Variants in MGAT4C observed in about 807,000 individuals in gnomAD.
The protein encoded by MGAT4C is alpha-1,3-mannosyl-glycoprotein 4-beta-N-acetylglucosaminyltransferase C.
A neutral mutation model predicts 40.1 loss-of-function variants in MGAT4C; 19 were observed. The observed-to-expected ratio is 0.47, with a 90% CI of 0.33 to 0.70. MGAT4C has a LOEUF of 0.70. Among genes scored for constraint, MGAT4C ranks in the 30% least tolerant of loss-of-function variants. MGAT4C has a pLI of 0.02. For missense variants in MGAT4C, 491 were observed against 563.2 expected (o/e 0.87, Z 1.30); for synonymous variants, 181 against 187.1 (o/e 0.97, Z 0.27).
chr12:86,603,667 A>T (rs1468799559), intron 2 of MGAT4C, among the ~76,000 whole-genome samples: 1 of 128,318 alleles, frequency 7.8e-6, no homozygotes, highest in African/African-American at 2.9e-5. Context: ...TCTATATTAT[A>T]TATAGTATAT....
chr12:86,519,902 T>C (rs1441783573), intron 2 of MGAT4C, among the ~76,000 whole-genome samples: 1 of 152,186 alleles, frequency 6.6e-6, no homozygotes, highest in Non-Finnish European at 1.5e-5. Flanking sequence ...TTTAGCTTGA[T>C]GTAATCCCAA....
chr12:86,142,151 A>G (rs1882919648), intron 1 of MGAT4C, among the ~76,000 whole-genome samples: 1 of 152,206 alleles, frequency 6.6e-6, no homozygotes, highest in South Asian at 2.1e-4. Context: ...AAAACTGAGC[A>G]TTGAAATTCA....
chr12:86,554,131 C>CAT (rs1173149889), intron 2 of MGAT4C, among the ~76,000 whole-genome samples: 1 of 31,184 alleles, frequency 3.2e-5, no homozygotes, highest in South Asian at 2.8e-3. Context: ...CATACACATA[C>CAT]ATACACACAC....
intron 1 of MGAT4C, among the ~76,000 whole-genome samples, chr12:86,231,269 A>C (rs1198669538): frequency 2.0e-5 from 3 of 152,206 alleles, no homozygotes; most frequent in Admixed American, 6.5e-5. Context: ...GCAATTTTTA[A>C]GCTAAAAGAG....
chr12:86,783,155 C>G (rs1397905594), intron 1 of MGAT4C, among the ~76,000 whole-genome samples: 1 of 151,988 alleles, frequency 6.6e-6, no homozygotes, highest in Non-Finnish European at 1.5e-5. Flanking sequence ...TCACTTTTTC[C>G]ACAAAACTGA....
intron 2 of MGAT4C, among the ~76,000 whole-genome samples, chr12:86,596,831 A>G (rs955811064): frequency 5.3e-5 from 8 of 152,174 alleles, no homozygotes; most frequent in Admixed American, 5.2e-4. Flanking sequence ...ATTAAAGATG[A>G]TAAATCCTAA....
At chr12:86,044,353 A>C (rs1191557247) in intron 2 of MGAT4C, among the ~76,000 whole-genome samples, 1 of 152,288 alleles carries the variant, frequency 6.6e-6, no homozygotes, top group East Asian at 1.9e-4. Flanking sequence ...GTTTGTTTGC[A>C]CATGCCAGCA....
intron 2 of MGAT4C, among the ~76,000 whole-genome samples, chr12:86,485,409 T>A (rs1958003011): frequency 6.6e-6 from 1 of 152,132 alleles, no homozygotes; most frequent in Non-Finnish European, 1.5e-5. Flanking sequence ...CTTCTGGAAT[T>A]GAAAAAATCA....
intron 1 of MGAT4C, among the ~76,000 whole-genome samples, chr12:86,118,308 A>G (rs1188597948): frequency 1.3e-5 from 2 of 152,162 alleles, no homozygotes; most frequent in African/African-American, 4.8e-5. Context: ...CCGGCAAGGA[A>G]CAAGATCCAA....
At chr12:86,093,352 C>T (rs879477952) in intron 1 of MGAT4C, among the ~76,000 whole-genome samples, 1 of 152,078 alleles carries the variant, frequency 6.6e-6, no homozygotes, top group Non-Finnish European at 1.5e-5. Context: ...TCTCTCTTAA[C>T]CCAGGATTCT....
At chr12:86,636,507 C>G (rs1963223672) in intron 2 of MGAT4C, among the ~76,000 whole-genome samples, 1 of 151,846 alleles carries the variant, frequency 6.6e-6, no homozygotes, top group African/African-American at 2.4e-5. Flanking sequence ...AAAGGCAGGG[C>G]CATCATGATG....
rs78546222 is a variant in MGAT4C, at chr12:86,102,565, T to C, written c.-56-52842A>G. Among the ~76,000 whole-genome samples the C allele has an allele frequency of 2.0e-5, 3 of 152,118 alleles. No homozygotes were observed. In the East Asian group the frequency reaches 5.8e-4, roughly 29 times the overall value. ...TTAGGCCATCAAAGTAGTTTAGAAGTGAAGTATTTTTAGTTCTCTAATCCA... is the reference window on the plus strand; with the variant it reads ...TTAGGCCATCAAAGTAGTTTAGAAGCGAAGTATTTTTAGTTCTCTAATCCA... On this transcript the variant is annotated intron_variant, in intron 1 of 4. Coordinates refer to ENST00000611864, the MANE Select transcript of MGAT4C (RefSeq NM_001351288.2).
chr12:86,014,797 T>C (rs571576342), intron 2 of MGAT4C, among the ~76,000 whole-genome samples: 3 of 152,044 alleles, frequency 2.0e-5, no homozygotes, highest in South Asian at 2.1e-4. Context: ...CAAGGAGTAC[T>C]TGGGGACGTG....
intron 3 of MGAT4C, among the ~76,000 whole-genome samples, chr12:85,987,923 T>C (rs1246861212): frequency 6.6e-6 from 1 of 152,204 alleles, no homozygotes; most frequent in Non-Finnish European, 1.5e-5. Context: ...TAAATTTTTA[T>C]TATAAAATTG....
chr12:86,169,805 A>C (rs986514731), intron 1 of MGAT4C, among the ~76,000 whole-genome samples: 3 of 152,192 alleles, frequency 2.0e-5, no homozygotes, highest in Non-Finnish European at 4.4e-5. Flanking sequence ...CACTCTCAAA[A>C]ACTACCAAAG....
chr12:86,510,038 T>C (rs895109442), intron 2 of MGAT4C, among the ~76,000 whole-genome samples: 7 of 152,184 alleles, frequency 4.6e-5, no homozygotes, highest in East Asian at 1.9e-4. Flanking sequence ...CTTTTCCTGA[T>C]TGAATACCCT....
chr12:86,650,150 G>A (rs1291283611), intron 2 of MGAT4C, among the ~76,000 whole-genome samples: 1 of 151,656 alleles, frequency 6.6e-6, no homozygotes, highest in Admixed American at 6.6e-5. Context: ...ACAACATTGG[G>A]CATATTAGTC....
Position 86,207,126 on chromosome 12 carries a change from G to C in MGAT4C, c.-57+49113C>G, listed in dbSNP as rs531729718. ...CCTTTTTTTTCTTTTTTTTTTTTTA[G>C]CTCGCTTAATCTTTGCAACTTAATG... On this transcript the variant is annotated intron_variant, in intron 1 of 4. Coordinates refer to ENST00000611864, the MANE Select transcript of MGAT4C (RefSeq NM_001351288.2). 3.6e-3 allele frequency among the ~76,000 whole-genome samples: 522 copies of C among 144,520 alleles called. 1 individual carries two copies. The highest frequency in any genetic ancestry group is 0.013 in the African/African-American group (507 of 39,140). 94.8% of individuals were successfully genotyped at this position (144,520 alleles called of 152,430 possible).
chr12:86,808,689 T>C lies in MGAT4C; in HGVS notation c.-262+29977A>G, dbSNP rs1268753800. ...AATATCATACTGAATAGGCAAAAAC[T>C]GGAAGCATTCCTCCTGAAAACTAGC... On this transcript the variant is annotated intron_variant, in intron 1 of 7. Coordinates refer to the MGAT4C transcript ENST00000548651. Among the ~76,000 whole-genome samples, 4 of 152,012 alleles carry C rather than the reference T, an allele frequency of 2.6e-5. No individual in the cohort carries two copies. The East Asian group carries it at 7.8e-4, about 30-fold the overall frequency.
Sources: allele counts gnomAD v4.1 joint callset (sites outside exome capture counted in the v4.1 genomes callset), GRCh38; gene constraint gnomAD v4.1.1; transcripts MANE v1.5; gene names NCBI Gene and HGNC (gene_info 2026-07-23, HGNC 2026-07-21).